The following ARPP21 variants were observed in gnomAD, a reference collection of about 807,000 sequenced individuals.
ARPP21 encodes the protein cAMP-regulated phosphoprotein 21.
In ARPP21, 69 loss-of-function variants were observed where a neutral mutation model predicts 113.2. That is an observed-to-expected ratio of 0.61 (90% CI 0.50 to 0.74). The LOEUF (loss-of-function observed/expected upper bound fraction) is 0.74. Among genes scored for constraint, ARPP21 ranks in the 30% least tolerant of loss-of-function variants. ARPP21 has a pLI of 0.00. For synonymous variants in ARPP21, 368 were observed against 375.5 expected (o/e 0.98, Z 0.23); for missense variants, 1,070 against 1,037.4 (o/e 1.03, Z -0.43).
At chr3:35,715,570 T>TAC in intron 12 of ARPP21, 94 bp downstream of exon 12, 1 of 988,364 alleles carries the variant, frequency 1.0e-6, no homozygotes, top group Non-Finnish European at 1.6e-6. Flanking sequence ...TATATGTGTG[T>TAC]GCTTGAATAT....
chr3:35,751,655 A>G (rs560181424), intron 19 of ARPP21, among the ~76,000 whole-genome samples: 4 of 152,262 alleles, frequency 2.6e-5, no homozygotes, highest in Admixed American at 6.5e-5. Context: ...TATGAGTACT[A>G]TGAATATAAA....
At chr3:35,693,253 TA>T (rs1206106024) in intron 9 of ARPP21, among the ~76,000 whole-genome samples, 1 of 151,592 alleles carries the variant, frequency 6.6e-6, no homozygotes, top group African/African-American at 2.4e-5. Context: ...CATGCCTAAA[TA>T]AAAAAGGCAA....
Position 35,681,713 on chromosome 3 carries a change from G to A in ARPP21, c.-38-1G>A, listed in dbSNP as rs1363917497. Reference sequence around the variant, plus strand: ...TATTTTCTGATATCTTAACCTTCTAGGGCATAAAATCTTGTTATTTTAATT... The same window carrying A: ...TATTTTCTGATATCTTAACCTTCTAAGGCATAAAATCTTGTTATTTTAATT... On this transcript the variant is annotated splice_acceptor_variant, in intron 2 of 20. Coordinates refer to ENST00000684406, the MANE Select transcript of ARPP21 (RefSeq NM_001385562.1). LOFTEE classifies it low-confidence loss of function (5UTR_SPLICE). The A allele has an allele frequency of 6.4e-7, 1 of 1,562,228 alleles. No homozygotes were observed. The highest frequency in any genetic ancestry group is 2.3e-5 in the East Asian group (1 of 44,368).
chr3:35,709,726 T>C (rs565670545), intron 11 of ARPP21, among the ~76,000 whole-genome samples: 5 of 152,268 alleles, frequency 3.3e-5, no homozygotes, highest in Non-Finnish European at 5.9e-5. Context: ...AGAGGCTGGA[T>C]TTAAATGCAA....
At chr3:35,748,973 C>T (rs1392933172) in intron 19 of ARPP21, among the ~76,000 whole-genome samples, 2 of 151,960 alleles carry the variant, frequency 1.3e-5, no homozygotes, top group African/African-American at 4.8e-5. Flanking sequence ...GGGAAAAGCA[C>T]CCAGACGTGA....
chr3:35,667,940 G>A (rs2075009631), intron 1 of ARPP21, among the ~76,000 whole-genome samples: 10 of 139,884 alleles, frequency 7.1e-5, no homozygotes, highest in East Asian at 2.1e-4. Context: ...AGGAGAAGGA[G>A]AAGAAGAAAA....
At position 35,717,362 on chromosome 3, in the gene ARPP21, G is replaced by C. The variant is rs774697500; in HGVS notation, c.995+5G>C. The C allele has an allele frequency of 6.3e-7, 1 of 1,584,280 alleles. No individual in the cohort carries two copies. The highest frequency in any genetic ancestry group is 1.7e-5 in the Admixed American group (1 of 59,926). ...TAAGAAAAGACAGCTCTTTCGGTTG[G>C]TATGGTTTACTTTCTTAAACTGTGT... On this transcript the variant is annotated splice_donor_5th_base_variant and intron_variant, in intron 13 of 20. Coordinates refer to ENST00000684406, the MANE Select transcript of ARPP21 (RefSeq NM_001385562.1).
At chr3:35,737,683 C>A (rs562455300) in intron 16 of ARPP21, among the ~76,000 whole-genome samples, 1 of 152,268 alleles carries the variant, frequency 6.6e-6, no homozygotes, top group South Asian at 2.1e-4. Context: ...TAGGTCTTTG[C>A]GTCACCTTCC....
chr3:35,714,252 C>T (rs982143932), intron 11 of ARPP21, among the ~76,000 whole-genome samples: 4 of 146,522 alleles, frequency 2.7e-5, no homozygotes, highest in Admixed American at 1.4e-4. Context: ...GACACCTTCA[C>T]TGAAATGCTC....
chr3:35,743,498 G>A (rs1175186672), intron 18 of ARPP21, among the ~76,000 whole-genome samples: 1 of 152,150 alleles, frequency 6.6e-6, no homozygotes, highest in East Asian at 1.9e-4. Flanking sequence ...TTTTTCTGCA[G>A]CAGAATAGTC....
intron 19 of ARPP21, chr3:35,744,405 C>T (rs2150898220): frequency 1.3e-5 from 6 of 475,248 alleles, no homozygotes; most frequent in South Asian, 3.2e-5. Flanking sequence ...CAGCGTGTCT[C>T]GGTGGAACTC....
chr3:35,683,096 T>C (rs1307923567), intron 4 of ARPP21, among the ~76,000 whole-genome samples: 1 of 151,690 alleles, frequency 6.6e-6, no homozygotes, highest in Admixed American at 6.6e-5. Context: ...AGTTAGAGGA[T>C]TTAGTGTTCA....
intron 19 of ARPP21, among the ~76,000 whole-genome samples, chr3:35,766,817 C>T (rs147405063): frequency 6.0e-5 from 9 of 150,814 alleles, no homozygotes; most frequent in African/African-American, 2.2e-4. Flanking sequence ...AATTAAGAAG[C>T]TCATATTATA....
Position 35,693,478 on chromosome 3 carries a change from A to G in ARPP21, c.686+2473A>G, listed in dbSNP as rs149078273. ...CTGATGTATTTTAGCACACGAAAAAAGAGGATGAATTAAATCTCTGTATCC... is the reference window on the plus strand; with the variant it reads ...CTGATGTATTTTAGCACACGAAAAAGGAGGATGAATTAAATCTCTGTATCC... On this transcript the variant is annotated intron_variant, in intron 9 of 20. Transcript: ENST00000684406. 3.4e-3 allele frequency among the ~76,000 whole-genome samples: 509 copies of G among 151,766 alleles called. 1 individual carries two copies. The highest frequency in any genetic ancestry group is 5.4e-3 in the Admixed American group (82 of 15,212).
chr3:35,681,991 C>A, intron 3 of ARPP21, 111 bp downstream of exon 3: 2 of 1,256,414 alleles, frequency 1.6e-6, no homozygotes, highest in South Asian at 2.1e-5. Flanking sequence ...CTGGTTATAT[C>A]ATTAGGAAAT....
At chr3:35,773,801 T>C (rs1354150748) in intron 19 of ARPP21, among the ~76,000 whole-genome samples, 3 of 152,200 alleles carry the variant, frequency 2.0e-5, no homozygotes, top group Non-Finnish European at 4.4e-5. Context: ...ATGTGTTTTT[T>C]TAGTTAGTTA....
intron 5 of ARPP21, chr3:35,684,370 T>C (rs1434920334): frequency 1.0e-6 from 1 of 996,198 alleles, no homozygotes; most frequent in Non-Finnish European, 1.2e-6. Flanking sequence ...GACTTTAAGT[T>C]AATATTATTA....
At position 35,739,350 on chromosome 3, in the gene ARPP21, A is replaced by C. The variant is rs753537294; in HGVS notation, c.1783A>C (p.Thr595Pro). ...TGTGGCAACACAGTTTGGCCAGATGACCCTGAGCCGGCAGTCCTCGGGGGA... is the reference window on the plus strand; with the variant it reads ...TGTGGCAACACAGTTTGGCCAGATGCCCCTGAGCCGGCAGTCCTCGGGGGA... ...DDVATQFGQMTLSRQSSGETP... is the reference protein window; with the variant it reads ...DDVATQFGQMPLSRQSSGETP... The change falls in exon 18 of 21, where the codon ACC becomes CCC. Residue 595 changes from threonine (T) to proline (P), a missense_variant. Physicochemically the swap from Thr to Pro is conservative, Grantham distance 38. Transcript: ENST00000684406. 6.2e-7 allele frequency: 1 copy of C among 1,613,916 alleles called. No individual in the cohort carries two copies. Among genetic ancestry groups the C allele is most frequent in the Non-Finnish European group, 8.5e-7 (1 of 1,179,984 alleles).
intron 5 of ARPP21, among the ~76,000 whole-genome samples, chr3:35,686,073 A>G (rs1443514144): frequency 6.6e-6 from 1 of 151,670 alleles, no homozygotes; most frequent in Non-Finnish European, 1.5e-5. Context: ...TTTTAGATTC[A>G]TACATACAGA....
Sources: allele counts gnomAD v4.1 joint callset (sites outside exome capture counted in the v4.1 genomes callset), GRCh38; gene constraint gnomAD v4.1.1; transcripts MANE v1.5; gene names NCBI Gene and HGNC (gene_info 2026-07-23, HGNC 2026-07-21).